The following COL12A1 variants were observed in gnomAD, a reference collection of about 807,000 sequenced individuals.
COL12A1 encodes collagen type XII alpha 1 chain, also known as collagen alpha-1(XII) chain.
COL12A1 carries 114 observed loss-of-function variants against 349.7 expected under a neutral mutation model. The observed-to-expected ratio is 0.33, with a 90% CI of 0.28 to 0.38. The LOEUF (loss-of-function observed/expected upper bound fraction) is 0.38, where lower values mean the gene tolerates loss of function less well. Among genes scored for constraint, COL12A1 ranks in the 10% least tolerant of loss-of-function variants. The pLI is 1.00. For missense variants in COL12A1, 3,284 were observed against 3,756.9 expected, an observed-to-expected ratio of 0.87 and a Z score of 3.29; for synonymous variants, 1,369 against 1,329.0, an observed-to-expected ratio of 1.03 and a Z score of -0.66.
Position 75,189,376 on chromosome 6 carries a change from C to T in COL12A1, c.664G>A (p.Ala222Thr). 6.2e-7 allele frequency: 1 copy of T among 1,612,336 alleles called. No homozygotes were observed. The highest frequency in any genetic ancestry group is 8.5e-7 in the Non-Finnish European group (1 of 1,179,242). Residue 222 changes from alanine (A) to threonine (T), a missense_variant, in exon 7 of 66, where the codon GCC becomes ACC. By Grantham distance (58) the Ala-to-Thr change is moderately conservative. Around this residue, in one of 2 missense-constraint regions of COL12A1, gnomAD observed 2,601 missense variants for 2,824.8 expected, o/e 0.92. Coordinates refer to ENST00000322507, the MANE Select transcript of COL12A1 (RefSeq NM_004370.6). ...YKGGNTMTGD[A>T]IDYLVKNTFT... Reference sequence around the variant, plus strand: ...GTATTTTTAACTAAATAATCAATGGCATCCCCTAAAGGGAAAAGAAACATG... The same window carrying T: ...GTATTTTTAACTAAATAATCAATGGTATCCCCTAAAGGGAAAAGAAACATG...
rs1415317987 is a variant in COL12A1 at position 75,137,478 on chromosome 6, T to A, written c.5353A>T (p.Ile1785Phe). Reference sequence around the variant, plus strand: ...TCCCCTGTGGAAGGCTGATAAGTGATCCTATATTTCTGCACACGACCACTA... The same window carrying A: ...TCCCCTGTGGAAGGCTGATAAGTGAACCTATATTTCTGCACACGACCACTA... ...PASGRVQKYR[I>F]TYQPSTGEGN... is the part of the protein sequence containing the mutation. The change falls in exon 31 of 66, where the codon ATC (isoleucine) becomes TTC (phenylalanine). Residue 1785 changes from isoleucine (I) to phenylalanine (F), a missense_variant. Ile to Phe is a conservative substitution (Grantham distance 21). Transcript: ENST00000322507. 6.2e-7 allele frequency: 1 copy of A among 1,613,438 alleles called. No individual in the cohort carries two copies. Among genetic ancestry groups the A allele is most frequent in the Non-Finnish European group, 8.5e-7 (1 of 1,179,774 alleles).
At chr6:75,128,272 A>G in intron 38 of COL12A1, 24 bp downstream of exon 38, 1 of 1,542,852 alleles carries the variant, frequency 6.5e-7, no homozygotes, top group Non-Finnish European at 8.7e-7. Flanking sequence ...AGCAAAAATA[A>G]AAGGGGGAGT....
intron 38 of COL12A1, 138 bp from the exon 39 acceptor site, chr6:75,126,608 T>G: frequency 9.8e-7 from 1 of 1,019,808 alleles, no homozygotes; most frequent in Non-Finnish European, 1.4e-6. Flanking sequence ...AGAAAACAAT[T>G]AAAAGGCATT....
intron 13 of COL12A1, among the ~76,000 whole-genome samples, chr6:75,173,463 G>C (rs909134060): frequency 2.0e-5 from 3 of 151,600 alleles, no homozygotes; most frequent in African/African-American, 7.3e-5. Flanking sequence ...TGCAACCTCC[G>C]CCTCTCGAGT....
At chr6:75,144,221 G>C (rs1470017110) in intron 25 of COL12A1, among the ~76,000 whole-genome samples, 3 of 152,004 alleles carry the variant, frequency 2.0e-5, no homozygotes, top group Admixed American at 2.0e-4. Flanking sequence ...CTGTGACTTT[G>C]GGTCTCCTCT....
At chr6:75,103,921 G>A in intron 54 of COL12A1, 111 bp from the exon 55 acceptor site, 1 of 682,564 alleles carries the variant, frequency 1.5e-6, no homozygotes. Flanking sequence ...TTATTCTACA[G>A]CTGCTTGCAA....
intron 8 of COL12A1, among the ~76,000 whole-genome samples, chr6:75,187,173 TA>T (rs1769670809): frequency 2.0e-5 from 3 of 148,874 alleles, no homozygotes; most frequent in East Asian, 3.9e-4. Flanking sequence ...TATATATATA[TA>T]TATTTAAAAT....
chr6:75,138,745 T>C, intron 28 of COL12A1, 77 bp downstream of exon 28: 1 of 1,591,336 alleles, frequency 6.3e-7, no homozygotes, highest in Non-Finnish European at 8.6e-7. Context: ...ACAAGAGTAA[T>C]ACTTCTTTGA....
At chr6:75,192,141 A>G (rs1769963711) in intron 4 of COL12A1, 71 bp downstream of exon 4, 6 of 1,220,966 alleles carry the variant, frequency 4.9e-6, no homozygotes. Context: ...ATAAAAGATT[A>G]AATCTGAAGT....
At chr6:75,202,234 C>G (rs1480000676) in intron 2 of COL12A1, among the ~76,000 whole-genome samples, 1 of 152,250 alleles carries the variant, frequency 6.6e-6, no homozygotes. Flanking sequence ...ACAAAGCACA[C>G]AGAGGCGCAG....
chr6:75,101,578 T>C, intron 58 of COL12A1, 22 bp downstream of exon 58: 1 of 1,608,812 alleles, frequency 6.2e-7, no homozygotes, highest in South Asian at 1.1e-5. Context: ...AACATCATTG[T>C]AGCCTGCTCA....
At chr6:75,145,521 T>A in intron 24 of COL12A1, 66 bp from the exon 25 acceptor site, 1 of 1,530,672 alleles carries the variant, frequency 6.5e-7, no homozygotes, top group South Asian at 1.2e-5. Flanking sequence ...ACCTTTGGAA[T>A]AGTCAACTGA....
intron 5 of COL12A1, among the ~76,000 whole-genome samples, chr6:75,190,122 G>A (rs1461258557): frequency 2.6e-5 from 4 of 151,900 alleles, no homozygotes; most frequent in African/African-American, 4.8e-5. Flanking sequence ...CCAAGTATTC[G>A]TGCTATCAAC....
intron 1 of COL12A1, among the ~76,000 whole-genome samples, chr6:75,203,259 G>A (rs1269147074): frequency 6.6e-6 from 1 of 152,154 alleles, no homozygotes; most frequent in Non-Finnish European, 1.5e-5. Context: ...TGGTCTCAGG[G>A]TAATTTGGAA....
chr6:75,202,939 C>T (rs928943299), intron 1 of COL12A1, 112 bp from the exon 2 acceptor site: 3 of 644,010 alleles, frequency 4.7e-6, no homozygotes, highest in Admixed American at 5.8e-5. Flanking sequence ...CCTTAAAAAC[C>T]ACAGGGCCTA....
intron 32 of COL12A1, 105 bp from the exon 33 acceptor site, chr6:75,134,102 C>G: frequency 7.9e-7 from 1 of 1,258,132 alleles, no homozygotes; most frequent in Non-Finnish European, 1.1e-6. Context: ...TAGCAGGCAC[C>G]GCACAAACAT....
At chr6:75,086,662 A>G (rs1767506237) in intron 65 of COL12A1, 105 bp from the exon 66 acceptor site, 4 of 361,806 alleles carry the variant, frequency 1.1e-5, no homozygotes, top group Non-Finnish European at 9.0e-6. Flanking sequence ...ATATATATAT[A>G]TATATATATA....
chr6:75,182,547 G>A (rs1004423063), intron 10 of COL12A1, among the ~76,000 whole-genome samples: 1 of 152,152 alleles, frequency 6.6e-6, no homozygotes, highest in Non-Finnish European at 1.5e-5. Flanking sequence ...AAACTCAAGG[G>A]ATGGGACTTT....
Position 75,202,970 on chromosome 6 carries a change from A to T in COL12A1, c.-35-143T>A, listed in dbSNP as rs1309430169. On this transcript the variant is annotated intron_variant, in intron 1 of 65. Coordinates refer to ENST00000322507, the MANE Select transcript of COL12A1 (RefSeq NM_004370.6). ...GCCTACTCCAGCACATAATGGGCCT[A>T]TTGTGAAGCAGTGGAAGTCAAGTTC... 5 of 578,352 alleles carry T rather than the reference A, an allele frequency of 8.6e-6. No homozygotes were observed. The Admixed American group carries it at 1.6e-4, about 18-fold the overall frequency. 35.8% of individuals were successfully genotyped at this position (578,352 alleles called of 1,614,324 possible).
Sources: gnomAD v4.1 joint callset for allele counts (sites outside exome capture counted in the v4.1 genomes callset) on GRCh38, gnomAD v4.1.1 for gene constraint, gnomAD v4.1.1 regional missense constraint, MANE v1.5 for transcripts, NCBI Gene and HGNC (gene_info 2026-07-23, HGNC 2026-07-21) for gene names.